CABLES2: variants seen among roughly 807,000 people sequenced by gnomAD.
CABLES2 encodes the protein Cdk5 and Abl enzyme substrate 2.
A neutral mutation model predicts 44.8 loss-of-function variants in CABLES2; 35 were observed. The observed-to-expected ratio is 0.78, with a 90% CI of 0.60 to 1.04. The LOEUF (loss-of-function observed/expected upper bound fraction) is 1.04. Among genes scored for constraint, CABLES2 ranks in the 50% least tolerant of loss-of-function variants. CABLES2 has a pLI of 0.00. For missense variants in CABLES2, 566 were observed against 615.7 expected (o/e 0.92, Z 0.85); for synonymous variants, 282 against 281.1 (o/e 1.00, Z -0.03).
chr20:62,393,088 TGGCAGGCCAGCGCCATGGCGG>T, intron 6 of CABLES2, 65 bp from the exon 7 acceptor site: 1 of 1,438,794 alleles, frequency 7.0e-7, no homozygotes, highest in South Asian at 1.2e-5. Context: ...CCCCAAGGCC[TGGCAGGCCAGCGCCATGGCGG>T]GGCAAGGCCG....
intron 1 of CABLES2, 53 bp downstream of exon 1, chr20:62,406,862 T>C: frequency 1.9e-6 from 2 of 1,030,474 alleles, no homozygotes; most frequent in Non-Finnish European, 1.2e-6. Flanking sequence ...CCGGCCCCCG[T>C]CCCCGTCCCT....
intron 7 of CABLES2, among the ~76,000 whole-genome samples, 184 bp from the exon 8 acceptor site, chr20:62,392,679 T>C (rs866866701): frequency 6.6e-6 from 1 of 152,214 alleles, no homozygotes; most frequent in Non-Finnish European, 1.5e-5. Flanking sequence ...CATGCCTGCT[T>C]GGTGTGGGGA....
At chr20:62,394,489 T>G (rs1012920477) in intron 4 of CABLES2, among the ~76,000 whole-genome samples, 1 of 152,166 alleles carries the variant, frequency 6.6e-6, no homozygotes, top group African/African-American at 2.4e-5. Flanking sequence ...CACTGGCTGG[T>G]AGAGCCCCCG....
chr20:62,402,103 C>G (rs1427342817), intron 1 of CABLES2: 1 of 152,026 alleles, frequency 6.6e-6, no homozygotes, highest in Middle Eastern at 3.2e-3. Flanking sequence ...CTGCATCTGA[C>G]TTGGGAAGAA....
chr20:62,398,288 ATGGTGG>A (rs1988120021), intron 1 of CABLES2, among the ~76,000 whole-genome samples: 1 of 59,196 alleles, frequency 1.7e-5, no homozygotes, highest in Non-Finnish European at 3.3e-5. Context: ...GGTGGTGGTG[ATGGTGG>A]CGATGGTGAT....
chr20:62,392,293 A>T, intron 8 of CABLES2, 96 bp downstream of exon 8: 1 of 913,648 alleles, frequency 1.1e-6, no homozygotes, highest in Non-Finnish European at 1.8e-6. Context: ...GGCAGCGGCT[A>T]GACTTGTCAA....
chr20:62,399,501 C>T (rs1434064470), intron 1 of CABLES2, among the ~76,000 whole-genome samples: 1 of 151,844 alleles, frequency 6.6e-6, no homozygotes, highest in East Asian at 1.9e-4. Flanking sequence ...CCTGCCTCGG[C>T]CTCCCAAAGT....
chr20:62,400,740 C>T (rs900496278), intron 1 of CABLES2, among the ~76,000 whole-genome samples: 1 of 152,140 alleles, frequency 6.6e-6, no homozygotes, highest in Non-Finnish European at 1.5e-5. Context: ...TCCTCTGGCC[C>T]AGGACGCAGA....
rs554058933 is a variant in CABLES2, at chr20:62,391,849, C to T, written c.1092-396G>A. On this transcript the variant is annotated intron_variant, in intron 8 of 9. Transcript: ENST00000279101. The surrounding 1 kb of genome is among the most constrained non-coding windows in gnomAD (Gnocchi z 5.7). ...GCCCTCTGGAACACTGGGGCAGAGG[C>T]CGGCAGGGCAGGCCCCCAGTACAGG... is the stretch of plus-strand genomic sequence containing the variant. 1.2e-4 allele frequency among the ~76,000 whole-genome samples: 19 copies of T among 152,158 alleles called. No homozygotes were observed. The East Asian group carries it at 3.3e-3, about 26-fold the overall frequency.
chr20:62,388,698 TAACTC>T lies in CABLES2; in HGVS notation c.*2268_*2272del, dbSNP rs1008817738. ...TTAAAAACAGATATCTAAGACAAAA[TAACTC>T]AAACATTCTGAGGTCTGATACTTGC... On this transcript the variant is annotated 3_prime_UTR_variant, in exon 10 of 10. Coordinates refer to ENST00000279101, the MANE Select transcript of CABLES2 (RefSeq NM_031215.3). The T allele has an allele frequency of 1.4e-5, 8 of 584,910 alleles. No homozygotes were observed. The highest frequency in any genetic ancestry group is 2.1e-5 in the South Asian group (1 of 48,546). The allele number at this position is 584,910 out of a possible 1,614,324, so 36.2% of individuals were successfully genotyped here.
chr20:62,395,399 G>A (rs1228968693), intron 3 of CABLES2, among the ~76,000 whole-genome samples: 1 of 152,138 alleles, frequency 6.6e-6, no homozygotes, highest in Non-Finnish European at 1.5e-5. Context: ...GGATGGCGAG[G>A]CCAAGGGCTG....
Position 62,390,887 on chromosome 20 carries a change from CAGG to C in CABLES2, c.*81_*83del. The C allele has an allele frequency of 2.6e-6, 4 of 1,545,042 alleles. No individual in the cohort carries two copies. In the South Asian group the frequency reaches 3.4e-5, roughly 13 times the overall value. ...TGCTAGCAGGTGCTGGGGGTGCTGG[CAGG>C]AGGAGGCGCGGGGCTTCAGTGGGAC... On this transcript the variant is annotated 3_prime_UTR_variant, in exon 10 of 10. Coordinates refer to ENST00000279101, the MANE Select transcript of CABLES2 (RefSeq NM_031215.3).
In CABLES2 at chr20:62,390,684, G is replaced by C; in HGVS notation, c.*287C>G. The C allele has an allele frequency of 2.3e-6, 1 of 440,416 alleles. No individual in the cohort carries two copies. Among genetic ancestry groups the C allele is most frequent in the Non-Finnish European group, 4.2e-6 (1 of 238,796 alleles). The allele number at this position is 440,416 out of a possible 1,614,324, so 27.3% of individuals were successfully genotyped here. On this transcript the variant is annotated 3_prime_UTR_variant, in exon 10 of 10. Coordinates refer to ENST00000279101, the MANE Select transcript of CABLES2 (RefSeq NM_031215.3). ...AGGTCCTGGTACCAGGCTGGTCTCA[G>C]GCACGTGAAAAAAATACCAGTAACA...
chr20:62,406,471 G>A lies in CABLES2; in HGVS notation c.362+444C>T, dbSNP rs73319056. ...AAACCCATTTCAGAGCACTGACAAC[G>A]TGGAGATCCAGACCCCGTATTCAGG... On this transcript the variant is annotated intron_variant, in intron 1 of 9. Coordinates refer to ENST00000279101, the MANE Select transcript of CABLES2 (RefSeq NM_031215.3). Among the ~76,000 whole-genome samples, 1,276 of 152,176 alleles carry A rather than the reference G, an allele frequency of 8.4e-3. 17 individuals carry two copies. Among genetic ancestry groups the A allele is most frequent in the African/African-American group, 0.029 (1,193 of 41,482 alleles).
chr20:62,395,202 C>A (rs1661131947), intron 3 of CABLES2, among the ~76,000 whole-genome samples, 188 bp from the exon 4 acceptor site: 1 of 152,242 alleles, frequency 6.6e-6, no homozygotes, highest in Admixed American at 6.5e-5. Flanking sequence ...AAGCCTGGCC[C>A]CCGCAAGCTC....
chr20:62,394,874 G>A lies in CABLES2; in HGVS notation c.605+63C>T, dbSNP rs538259962. The A allele has an allele frequency of 3.5e-4, 513 of 1,482,712 alleles. 3 individuals carry two copies. Among genetic ancestry groups the A allele is most frequent in the South Asian group, 3.2e-3 (266 of 84,404 alleles). 91.8% of individuals were successfully genotyped at this position (1,482,712 alleles called of 1,614,324 possible). A position where few individuals can be genotyped will look rare whatever the true frequency, so the allele number is the denominator to read the frequency against. On this transcript the variant is annotated intron_variant, in intron 4 of 9. Transcript: ENST00000279101. ...CCGCTGATGCCTCCTGGGCCTGGCC[G>A]AGACCAGGCCTTGCCTTCTGCCTAG...
intron 1 of CABLES2, among the ~76,000 whole-genome samples, chr20:62,398,718 G>A (rs1206159083): frequency 6.6e-6 from 1 of 152,264 alleles, no homozygotes; most frequent in Admixed American, 6.5e-5. Context: ...CTGAAAGCCA[G>A]TGTTTGTCCC....
intron 1 of CABLES2, among the ~76,000 whole-genome samples, chr20:62,398,718 G>C (rs1206159083): frequency 6.6e-6 from 1 of 152,264 alleles, no homozygotes; most frequent in South Asian, 2.1e-4. Context: ...CTGAAAGCCA[G>C]TGTTTGTCCC....
chr20:62,397,954 T>TGGTGAC (rs1988059277), intron 1 of CABLES2, among the ~76,000 whole-genome samples: 1 of 124,068 alleles, frequency 8.1e-6, no homozygotes, highest in Non-Finnish European at 1.7e-5. Context: ...GTGACGGTAG[T>TGGTGAC]GGTGGTGATG....
Sources: allele counts gnomAD v4.1 joint callset (sites outside exome capture counted in the v4.1 genomes callset), GRCh38; gene constraint gnomAD v4.1.1; non-coding constraint Gnocchi (gnomAD v3.1); transcripts MANE v1.5; gene names NCBI Gene and HGNC (gene_info 2026-07-23, HGNC 2026-07-21).